Variants in COL23A1 observed in about 807,000 individuals in gnomAD.
COL23A1 encodes the protein collagen type XXIII alpha 1 chain.
A neutral mutation model predicts 99.3 loss-of-function variants in COL23A1; 97 were observed. The observed-to-expected ratio is 0.98, with a 90% CI of 0.83 to 1.16. COL23A1 has a LOEUF of 1.16. COL23A1 is among the 50% of genes most tolerant of loss of function. The probability of loss-of-function intolerance (pLI) is 0.00; values close to 1 mark genes in which losing one functional copy is unlikely to be tolerated. For synonymous variants in COL23A1, 320 were observed against 308.2 expected, an observed-to-expected ratio of 1.04 and a Z score of -0.40; for missense variants, 762 against 757.4, an observed-to-expected ratio of 1.01 and a Z score of -0.07.
chr5:178,303,280 G>A (rs991768448), intron 3 of COL23A1, among the ~76,000 whole-genome samples: 1 of 152,212 alleles, frequency 6.6e-6, no homozygotes, highest in Admixed American at 6.5e-5. Flanking sequence ...GATTACATGT[G>A]TGTGCCATGC....
chr5:178,340,739 CGGAATGGAGGTGGGCG>C lies in COL23A1; in HGVS notation c.362-33836_362-33821del, dbSNP rs1236419829. Among the ~76,000 whole-genome samples, 1 of 152,174 alleles carries C rather than the reference CGGAATGGAGGTGGGCG, an allele frequency of 6.6e-6. No homozygotes were observed. Among genetic ancestry groups the C allele is most frequent in the Non-Finnish European group, 1.5e-5 (1 of 68,020 alleles). On this transcript the variant is annotated intron_variant, in intron 2 of 28. Transcript: ENST00000390654. The surrounding 1 kb of genome is among the most constrained non-coding windows in gnomAD (Gnocchi z 4.7). The stretch of plus-strand genomic sequence containing the variant: ...CCCAGGGGCAGTGAGGGAGTCTCAC[CGGAATGGAGGTGGGCG>C]GGAATGGAGGTGGCCGGGGCAAGGC...
chr5:178,239,839 C>T (rs1764298097), intron 27 of COL23A1, among the ~76,000 whole-genome samples: 1 of 128,858 alleles, frequency 7.8e-6, no homozygotes. Context: ...CTGGGTCCTG[C>T]CGAGAGCCGT....
chr5:178,278,231 G>C (rs1232776115), intron 5 of COL23A1, among the ~76,000 whole-genome samples: 1 of 152,202 alleles, frequency 6.6e-6, no homozygotes, highest in African/African-American at 2.4e-5. Context: ...GTGGCCCCTG[G>C]ACCATGCCCA....
At chr5:178,311,261 C>T (rs1386376020) in intron 2 of COL23A1, among the ~76,000 whole-genome samples, 1 of 144,544 alleles carries the variant, frequency 6.9e-6, no homozygotes, top group Non-Finnish European at 1.5e-5. Flanking sequence ...GAGCAACTTA[C>T]TCAACCTCAT....
intron 3 of COL23A1, among the ~76,000 whole-genome samples, chr5:178,299,325 T>C (rs1757910192): frequency 6.6e-6 from 1 of 152,270 alleles, no homozygotes; most frequent in South Asian, 2.1e-4. Context: ...ATTGAATCTT[T>C]CTCTTTGTTA....
At chr5:178,345,121 T>C (rs1363837409) in intron 2 of COL23A1, 2 of 603,122 alleles carry the variant, frequency 3.3e-6, no homozygotes, top group African/African-American at 1.9e-5. Flanking sequence ...CCCAGGAAGA[T>C]GGTCATCTAA....
At chr5:178,556,073 A>G (rs1250343842) in intron 2 of COL23A1, among the ~76,000 whole-genome samples, 1 of 152,190 alleles carries the variant, frequency 6.6e-6, no homozygotes, top group Non-Finnish European at 1.5e-5. Context: ...CCCTGTCTGA[A>G]TAACACAGGG....
chr5:178,557,772 G>A (rs1248375940), intron 2 of COL23A1, among the ~76,000 whole-genome samples: 1 of 152,194 alleles, frequency 6.6e-6, no homozygotes, highest in Non-Finnish European at 1.5e-5. Context: ...ATAGGAATGA[G>A]TTAGGACTTC....
At chr5:178,264,123 C>T (rs764901713) in intron 8 of COL23A1, among the ~76,000 whole-genome samples, 12 of 151,938 alleles carry the variant, frequency 7.9e-5, no homozygotes, top group African/African-American at 1.9e-4. Context: ...CACAAATCGA[C>T]GGGTGTGTTA....
intron 9 of COL23A1, among the ~76,000 whole-genome samples, chr5:178,262,523 T>TG (rs916972803): frequency 4.8e-4 from 73 of 151,202 alleles, no homozygotes; most frequent in African/African-American, 1.2e-3. Flanking sequence ...TCCATTTGAC[T>TG]GGGGGGGGAC....
chr5:178,565,189 A>G (rs1402238881), intron 1 of COL23A1, among the ~76,000 whole-genome samples: 1 of 152,230 alleles, frequency 6.6e-6, no homozygotes, highest in Non-Finnish European at 1.5e-5. Flanking sequence ...TGTTGGAATG[A>G]TGGTGATTTT....
In COL23A1 at chr5:178,566,174, C is replaced by T. The variant is rs73344486; in HGVS notation, c.295-5426G>A. Among the ~76,000 whole-genome samples the T allele has an allele frequency of 9.9e-3, 1,499 of 151,986 alleles. 29 individuals carry two copies. Among genetic ancestry groups the T allele is most frequent in the African/African-American group, 0.035 (1,436 of 41,432 alleles). On this transcript the variant is annotated intron_variant, in intron 1 of 28. Coordinates refer to ENST00000390654, the MANE Select transcript of COL23A1 (RefSeq NM_173465.4). ...AATAAAGTTGCTATCAGAAGCCAAG[C>T]CATACATAACTCAGATAGAAACCAG...
chr5:178,337,866 A>G (rs1250116126), intron 2 of COL23A1, among the ~76,000 whole-genome samples: 1 of 152,208 alleles, frequency 6.6e-6, no homozygotes, highest in East Asian at 1.9e-4. Context: ...ATTTTATGAT[A>G]TTATACAATC....
At chr5:178,385,257 G>C (rs1384679154) in intron 2 of COL23A1, among the ~76,000 whole-genome samples, 1 of 152,080 alleles carries the variant, frequency 6.6e-6, no homozygotes, top group Non-Finnish European at 1.5e-5. Flanking sequence ...TGGGTTGCGG[G>C]GACCCCTCTG....
chr5:178,551,589 T>C (rs1168181401), intron 2 of COL23A1, among the ~76,000 whole-genome samples: 2 of 152,134 alleles, frequency 1.3e-5, no homozygotes, highest in Admixed American at 1.3e-4. Flanking sequence ...CCCACCCAGT[T>C]TGTGAGTTCT....
chr5:178,457,027 T>G (rs1182490359), intron 2 of COL23A1, among the ~76,000 whole-genome samples: 2 of 152,112 alleles, frequency 1.3e-5, no homozygotes, highest in Non-Finnish European at 2.9e-5. Flanking sequence ...TAATGAAAAA[T>G]GTTAATCATG....
chr5:178,589,854 C>A lies in COL23A1; in HGVS notation c.294+50G>T. ...CCCCGGCTCCCAGCGTACCGCCACC[C>A]TCAACCCGACACACCCAAGTCCGCC... On this transcript the variant is annotated intron_variant, in intron 1 of 28. Coordinates refer to ENST00000390654, the MANE Select transcript of COL23A1 (RefSeq NM_173465.4). The surrounding 1 kb of genome is among the most constrained non-coding windows in gnomAD (Gnocchi z 5.4). 1 of 1,258,650 alleles carries A rather than the reference C, an allele frequency of 7.9e-7. No individual in the cohort carries two copies. The highest frequency in any genetic ancestry group is 2.9e-4 in the Middle Eastern group (1 of 3,446). 78.0% of individuals were successfully genotyped at this position (1,258,650 alleles called of 1,614,324 possible).
At chr5:178,563,526 CTT>C (rs779487808) in intron 1 of COL23A1, among the ~76,000 whole-genome samples, 1 of 83,230 alleles carries the variant, frequency 1.2e-5, no homozygotes, top group Non-Finnish European at 2.1e-5. Flanking sequence ...TCAGAACTCA[CTT>C]TTTTTTTTTT....
At chr5:178,547,042 A>G (rs1478323396) in intron 2 of COL23A1, among the ~76,000 whole-genome samples, 5 of 152,182 alleles carry the variant, frequency 3.3e-5, no homozygotes, top group South Asian at 4.1e-4. Context: ...GGGTCCACAG[A>G]GCTCCCAAAC....
Sources: gnomAD v4.1 joint callset for allele counts (sites outside exome capture counted in the v4.1 genomes callset) on GRCh38, gnomAD v4.1.1 for gene constraint, Gnocchi (gnomAD v3.1) non-coding constraint, MANE v1.5 for transcripts, NCBI Gene and HGNC (gene_info 2026-07-23, HGNC 2026-07-21) for gene names.